SPHKAP: variants seen among roughly 807,000 people sequenced by gnomAD.
The protein encoded by SPHKAP is A-kinase anchor protein SPHKAP.
Under a neutral mutation model 137.5 loss-of-function variants are expected in SPHKAP, and 67 were observed. The ratio of observed to expected loss-of-function variants is 0.49; its 90% confidence interval spans 0.40 to 0.60. SPHKAP has a LOEUF of 0.60. Among genes scored for constraint, SPHKAP ranks in the 20% least tolerant of loss-of-function variants. The pLI is 0.00. For missense variants in SPHKAP, 2,097 were observed against 2,069.3 expected (o/e 1.01, Z -0.26); for synonymous variants, 813 against 785.3 (o/e 1.04, Z -0.59).
At chr2:227,992,866 C>T (rs535174445) in intron 9 of SPHKAP, among the ~76,000 whole-genome samples, 1 of 152,280 alleles carries the variant, frequency 6.6e-6, no homozygotes, top group Non-Finnish European at 1.5e-5. Context: ...TAAGCTAAAT[C>T]ACAATGGTCA....
intron 3 of SPHKAP, among the ~76,000 whole-genome samples, chr2:228,088,296 T>C (rs1455013813): frequency 1.3e-5 from 2 of 152,152 alleles, no homozygotes; most frequent in African/African-American, 4.8e-5. Flanking sequence ...AACACATAAA[T>C]GAGAAGTAAC....
At chr2:228,091,489 A>C (rs762813796) in intron 3 of SPHKAP, among the ~76,000 whole-genome samples, 8 of 152,236 alleles carry the variant, frequency 5.3e-5, no homozygotes, top group Non-Finnish European at 1.0e-4. Context: ...CAACCCACAA[A>C]GCGGGAGAAA....
At chr2:228,116,698 C>T (rs965114727) in intron 2 of SPHKAP, among the ~76,000 whole-genome samples, 2 of 152,092 alleles carry the variant, frequency 1.3e-5, no homozygotes, top group Admixed American at 6.6e-5. Context: ...GTTTTATGGG[C>T]TTTTTGCCAA....
At chr2:228,088,471 A>G (rs1343963276) in intron 3 of SPHKAP, among the ~76,000 whole-genome samples, 2 of 152,190 alleles carry the variant, frequency 1.3e-5, no homozygotes, top group African/African-American at 2.4e-5. Flanking sequence ...ACACTAGAAA[A>G]TATTCACTTC....
intron 11 of SPHKAP, among the ~76,000 whole-genome samples, chr2:227,983,529 C>G (rs932809602): frequency 2.0e-5 from 3 of 151,986 alleles, no homozygotes; most frequent in Admixed American, 2.0e-4. Flanking sequence ...TTTCATATCT[C>G]GTGCCTGCAC....
At chr2:227,989,338 A>G (rs1464659266) in intron 11 of SPHKAP, among the ~76,000 whole-genome samples, 1 of 152,170 alleles carries the variant, frequency 6.6e-6, no homozygotes, top group African/African-American at 2.4e-5. Context: ...AAAAGGGACA[A>G]TAATATCTGT....
At chr2:228,107,518 T>C (rs1264740888) in intron 3 of SPHKAP, among the ~76,000 whole-genome samples, 2 of 152,174 alleles carry the variant, frequency 1.3e-5, no homozygotes, top group Admixed American at 6.6e-5. Context: ...ATTCTCATTG[T>C]AGGTCTGAAA....
intron 1 of SPHKAP, among the ~76,000 whole-genome samples, chr2:228,151,152 C>T (rs1304632675): frequency 2.7e-5 from 4 of 147,444 alleles, no homozygotes; most frequent in African/African-American, 7.5e-5. Context: ...TCTCATTGTT[C>T]TATTCCCATC....
At chr2:228,098,122 T>C (rs1698054212) in intron 3 of SPHKAP, among the ~76,000 whole-genome samples, 1 of 150,688 alleles carries the variant, frequency 6.6e-6, no homozygotes, top group African/African-American at 2.4e-5. Flanking sequence ...TTTTCCCTTT[T>C]TTTCTGCAAC....
intron 3 of SPHKAP, among the ~76,000 whole-genome samples, chr2:228,077,172 C>T (rs546483816): frequency 1.6e-4 from 24 of 152,200 alleles, no homozygotes; most frequent in Middle Eastern, 3.4e-3. Context: ...GCTGTAGGGG[C>T]GAGGTCCTCA....
intron 2 of SPHKAP, among the ~76,000 whole-genome samples, chr2:228,109,991 A>G (rs1698469708): frequency 7.0e-6 from 1 of 142,742 alleles, no homozygotes; most frequent in South Asian, 2.2e-4. Flanking sequence ...CTAATATTGT[A>G]TCACATTTTC....
intron 1 of SPHKAP, among the ~76,000 whole-genome samples, chr2:228,136,866 CATG>C (rs527516021): frequency 2.1e-3 from 313 of 152,226 alleles, no homozygotes; most frequent in Middle Eastern, 3.4e-3. Flanking sequence ...GTAATATCCT[CATG>C]ATATTACTTC....
In SPHKAP at chr2:228,114,984, G is replaced by A. The variant is rs536373196; in HGVS notation, c.139-6045C>T. On this transcript the variant is annotated intron_variant, in intron 2 of 11. Transcript: ENST00000392056. ...AGGATGGACTGGTCAGTTCTCCCTG[G>A]AGGAGGGGATGGCAAAGGGCTTGGC... Among the ~76,000 whole-genome samples the A allele has an allele frequency of 5.9e-5, 9 of 152,274 alleles. 1 individual carries two copies. Among genetic ancestry groups the A allele is most frequent in the African/African-American group, 2.2e-4 (9 of 41,580 alleles).
At chr2:228,002,282 TC>T (rs1485035874) in intron 7 of SPHKAP, among the ~76,000 whole-genome samples, 1 of 152,234 alleles carries the variant, frequency 6.6e-6, no homozygotes, top group African/African-American at 2.4e-5. Context: ...TGAGATGATA[TC>T]TCATTGTGGT....
At chr2:228,090,194 A>G (rs768763711) in intron 3 of SPHKAP, among the ~76,000 whole-genome samples, 1 of 152,158 alleles carries the variant, frequency 6.6e-6, no homozygotes, top group Non-Finnish European at 1.5e-5. Flanking sequence ...AGGCCATAAG[A>G]GCCCACCCCT....
intron 1 of SPHKAP, among the ~76,000 whole-genome samples, chr2:228,141,226 G>A (rs927620462): frequency 2.0e-4 from 31 of 152,160 alleles, no homozygotes; most frequent in Non-Finnish European, 4.4e-4. Context: ...CCAGTTACTA[G>A]AGAGATGGAG....
chr2:228,022,498 C>T (rs191695894), intron 5 of SPHKAP, among the ~76,000 whole-genome samples: 63 of 152,304 alleles, frequency 4.1e-4, no homozygotes, highest in African/African-American at 1.5e-3. Context: ...GTTAGGTTCT[C>T]ATGCTCCCAT....
At chr2:228,145,652 T>C (rs1278301221) in intron 1 of SPHKAP, among the ~76,000 whole-genome samples, 1 of 152,240 alleles carries the variant, frequency 6.6e-6, no homozygotes, top group South Asian at 2.1e-4. Context: ...ACTTGTTAGG[T>C]ATTAAAAAAT....
chr2:228,165,656 G>A (rs1278560425), intron 1 of SPHKAP, among the ~76,000 whole-genome samples: 1 of 152,084 alleles, frequency 6.6e-6, no homozygotes, highest in African/African-American at 2.4e-5. Context: ...TCATTCCCTG[G>A]AGAAAATCTG....
Sources: gnomAD v4.1 joint callset for allele counts (sites outside exome capture counted in the v4.1 genomes callset) on GRCh38, gnomAD v4.1.1 for gene constraint, MANE v1.5 for transcripts, NCBI Gene and HGNC (gene_info 2026-07-23, HGNC 2026-07-21) for gene names.